The following KIAA1217 variants were observed in gnomAD, a reference collection of about 807,000 sequenced individuals.
The protein encoded by KIAA1217 is sickle tail protein homolog.
In KIAA1217, 88 loss-of-function variants were observed where a neutral mutation model predicts 163.9. The ratio of observed to expected loss-of-function variants is 0.54; its 90% CI spans 0.45 to 0.64. KIAA1217 has a LOEUF of 0.64. Among genes scored for constraint, KIAA1217 ranks in the 30% least tolerant of loss-of-function variants. The pLI, the probability that KIAA1217 is intolerant of heterozygous loss-of-function variation, is 0.00. For synonymous variants in KIAA1217, 903 were observed against 923.1 expected (o/e 0.98, Z 0.39); for missense variants, 2,372 against 2,475.0 (o/e 0.96, Z 0.88).
At chr10:24,087,128 A>G (rs1286419316) in intron 2 of KIAA1217, among the ~76,000 whole-genome samples, 1 of 152,226 alleles carries the variant, frequency 6.6e-6, no homozygotes, top group Non-Finnish European at 1.5e-5. Flanking sequence ...GATGACTTAG[A>G]ATGGGAGAAA....
At chr10:23,868,656 T>C (rs1270748705) in intron 1 of KIAA1217, among the ~76,000 whole-genome samples, 1 of 152,098 alleles carries the variant, frequency 6.6e-6, no homozygotes, top group Non-Finnish European at 1.5e-5. Context: ...AGATTCTTCA[T>C]TTCTCTTGTG....
chr10:23,817,858 G>A (rs367721468), intron 1 of KIAA1217, among the ~76,000 whole-genome samples: 11 of 150,260 alleles, frequency 7.3e-5, no homozygotes, highest in African/African-American at 2.7e-4. Context: ...GGCAGGTTGA[G>A]GCAGGAGGAT....
At chr10:24,275,447 T>G (rs949583421) in intron 2 of KIAA1217, among the ~76,000 whole-genome samples, 1 of 152,230 alleles carries the variant, frequency 6.6e-6, no homozygotes, top group Non-Finnish European at 1.5e-5. Flanking sequence ...GAGTGTTGTT[T>G]AGTTAGACGC....
At chr10:23,831,040 C>G (rs1564458561) in intron 1 of KIAA1217, among the ~76,000 whole-genome samples, 1 of 152,162 alleles carries the variant, frequency 6.6e-6, no homozygotes, top group East Asian at 1.9e-4. Flanking sequence ...AGTTGACCTC[C>G]AATTCTAGAA....
At chr10:24,329,671 G>A (rs2045403555) in intron 2 of KIAA1217, among the ~76,000 whole-genome samples, 1 of 152,108 alleles carries the variant, frequency 6.6e-6, no homozygotes, top group Non-Finnish European at 1.5e-5. Context: ...CATCTTTCCA[G>A]GTTTACTCAC....
intron 1 of KIAA1217, among the ~76,000 whole-genome samples, chr10:23,802,312 G>C (rs1223119668): frequency 6.6e-6 from 1 of 152,202 alleles, no homozygotes; most frequent in African/African-American, 2.4e-5. Context: ...TGATGAAAGA[G>C]TGATTGAGGG....
chr10:24,446,650 C>T (rs1237779031), intron 5 of KIAA1217, among the ~76,000 whole-genome samples: 6 of 152,236 alleles, frequency 3.9e-5, no homozygotes, highest in Non-Finnish European at 8.8e-5. Context: ...ATATCCCCTT[C>T]ACTCATGCAA....
chr10:24,327,816 G>A (rs1440650391), intron 2 of KIAA1217, among the ~76,000 whole-genome samples: 1 of 152,108 alleles, frequency 6.6e-6, no homozygotes, highest in East Asian at 1.9e-4. Flanking sequence ...GAGACACAGA[G>A]GATTTAAGTA....
chr10:24,430,156 T>C (rs533265065), intron 3 of KIAA1217, among the ~76,000 whole-genome samples: 1 of 152,280 alleles, frequency 6.6e-6, no homozygotes, highest in South Asian at 2.1e-4. Context: ...GTCTCTCACA[T>C]ACACACAAAA....
chr10:23,694,848 G>T (rs12772432), exon 1 of KIAA1217: 46,496 of 152,606 alleles, frequency 0.3, 7,988 homozygotes, highest in African/African-American at 0.46. Context: ...CACGCTACCC[G>T]CCCGCGGGGG....
chr10:24,124,086 A>T lies in KIAA1217; in HGVS notation c.-170-95540A>T, dbSNP rs148602936. ...AATGTCAACATTTCATTTTATGGATAAAAAATACTTTGTACTTTGGAGAAT... is the reference window on the plus strand; with the variant it reads ...AATGTCAACATTTCATTTTATGGATTAAAAATACTTTGTACTTTGGAGAAT... On this transcript the variant is annotated intron_variant, in intron 2 of 18. Coordinates refer to the KIAA1217 transcript ENST00000376462. Among the ~76,000 whole-genome samples, 102 of 152,300 alleles carry T rather than the reference A, an allele frequency of 6.7e-4. 3 individuals are homozygous for T. In the East Asian group the frequency reaches 0.012, roughly 18 times the overall value.
chr10:23,954,912 C>G (rs901655565), intron 1 of KIAA1217, among the ~76,000 whole-genome samples: 4 of 151,940 alleles, frequency 2.6e-5, no homozygotes, highest in African/African-American at 9.7e-5. Flanking sequence ...CACTTTGAAC[C>G]AAGAAAGAGC....
chr10:23,699,003 G>C (rs1444404476), intron 1 of KIAA1217, among the ~76,000 whole-genome samples: 1 of 152,208 alleles, frequency 6.6e-6, no homozygotes, highest in Non-Finnish European at 1.5e-5. Flanking sequence ...TGGGCTTACA[G>C]GCATGAGCCA....
At chr10:23,859,656 C>A (rs16923981) in intron 1 of KIAA1217, among the ~76,000 whole-genome samples, 6,491 of 152,174 alleles carry the variant, frequency 0.043, 468 homozygotes, top group African/African-American at 0.15. Context: ...AACTTTGTTA[C>A]TTTTGGCCAT....
intron 1 of KIAA1217, among the ~76,000 whole-genome samples, chr10:23,939,566 T>C (rs528957145): frequency 1.4e-4 from 22 of 152,146 alleles, no homozygotes; most frequent in African/African-American, 4.8e-4. Context: ...TTTTTAATGA[T>C]AAATGGATCA....
At chr10:24,098,312 C>A (rs2062244417) in intron 2 of KIAA1217, among the ~76,000 whole-genome samples, 1 of 152,044 alleles carries the variant, frequency 6.6e-6, no homozygotes, top group Non-Finnish European at 1.5e-5. Flanking sequence ...TTTGCCCATC[C>A]TACACTTAGA....
Position 24,416,472 on chromosome 10 carries a change from T to C in KIAA1217, c.554-16523T>C, listed in dbSNP as rs2058260839. On this transcript the variant is annotated intron_variant, in intron 3 of 20. Coordinates refer to ENST00000376454, the MANE Select transcript of KIAA1217 (RefSeq NM_019590.5). Reference sequence around the variant, plus strand: ...GACGCTTGGGAAACACCCCTTGTCTTTCTGCATCACACACAAGCCTGCCTG... The same window carrying C: ...GACGCTTGGGAAACACCCCTTGTCTCTCTGCATCACACACAAGCCTGCCTG... Among the ~76,000 whole-genome samples, 3 of 152,216 alleles carry C rather than the reference T, an allele frequency of 2.0e-5. No homozygotes were observed. In the South Asian group the frequency reaches 6.2e-4, roughly 32 times the overall value.
chr10:24,325,020 C>T (rs959692616), intron 2 of KIAA1217, among the ~76,000 whole-genome samples: 1 of 152,146 alleles, frequency 6.6e-6, no homozygotes, highest in Admixed American at 6.5e-5. Flanking sequence ...GCAGGTGACT[C>T]TCAAAGTGCC....
chr10:24,411,659 T>A (rs971931000), intron 3 of KIAA1217, among the ~76,000 whole-genome samples: 10 of 152,314 alleles, frequency 6.6e-5, no homozygotes, highest in South Asian at 6.2e-4. Flanking sequence ...TTTTCTTAAA[T>A]TGAGACATCC....
Sources: gnomAD v4.1 joint callset for allele counts (sites outside exome capture counted in the v4.1 genomes callset) on GRCh38, gnomAD v4.1.1 for gene constraint, MANE v1.5 for transcripts, NCBI Gene and HGNC (gene_info 2026-07-23, HGNC 2026-07-21) for gene names.